Variants in ACOX3 observed in about 807,000 individuals in gnomAD.
The protein encoded by ACOX3 is acyl-CoA oxidase 3, pristanoyl, also known as peroxisomal acyl-coenzyme A oxidase 3.
A neutral mutation model predicts 81.5 loss-of-function variants in ACOX3; 73 were observed. The observed-to-expected ratio is 0.90, with a 90% CI of 0.74 to 1.09. The LOEUF (loss-of-function observed/expected upper bound fraction) is 1.09, where lower values mean the gene tolerates loss of function less well. Ranked by LOEUF, ACOX3 falls within the 50% of genes least tolerant of loss-of-function variation. The pLI is 0.00. For missense variants in ACOX3, 947 were observed against 928.0 expected (o/e 1.02, Z -0.27); for synonymous variants, 387 against 375.1 (o/e 1.03, Z -0.37).
chr4:8,417,549 G>A (rs143762209), intron 1 of ACOX3, among the ~76,000 whole-genome samples: 55 of 152,330 alleles, frequency 3.6e-4, no homozygotes, highest in African/African-American at 1.1e-3. Flanking sequence ...AACCCCCTCC[G>A]CTGAGAAGTG....
rs140779296 is a variant in ACOX3 at position 8,382,053 on chromosome 4, C to T, written c.1538-446G>A. On this transcript the variant is annotated intron_variant, in intron 13 of 17. Coordinates refer to ENST00000356406, the MANE Select transcript of ACOX3 (RefSeq NM_003501.3). The surrounding 1 kb of genome is among the most constrained non-coding windows in gnomAD (Gnocchi z 4.1). ...CGCCCAGTGGCGAGAGGAAGGGGTGCTTCCGTTCGCCTCCCCCTGCCTGGC... is the reference window on the plus strand; with the variant it reads ...CGCCCAGTGGCGAGAGGAAGGGGTGTTTCCGTTCGCCTCCCCCTGCCTGGC... 6.6e-6 allele frequency among the ~76,000 whole-genome samples: 1 copy of T among 152,354 alleles called. No homozygotes were observed. Among genetic ancestry groups the T allele is most frequent in the East Asian group, 1.9e-4 (1 of 5,180 alleles).
At chr4:8,392,520 A>G in intron 10 of ACOX3, 67 bp from the exon 11 acceptor site, 1 of 1,448,962 alleles carries the variant, frequency 6.9e-7, no homozygotes, top group Non-Finnish European at 9.1e-7. Flanking sequence ...GTCATAAGTC[A>G]GCAATAGCAT....
At chr4:8,404,303 G>A (rs1238716883) in intron 7 of ACOX3, among the ~76,000 whole-genome samples, 1 of 152,208 alleles carries the variant, frequency 6.6e-6, no homozygotes, top group Non-Finnish European at 1.5e-5. Flanking sequence ...AGGTCGGGGT[G>A]GCGCTCTCCT....
intron 6 of ACOX3, among the ~76,000 whole-genome samples, chr4:8,408,867 C>T (rs1721333274): frequency 9.9e-6 from 1 of 101,174 alleles, no homozygotes. Context: ...GGTTGGGGAG[C>T]TTCTTGTGGG....
intron 1 of ACOX3, among the ~76,000 whole-genome samples, chr4:8,429,477 TATCA>T (rs1348805950): frequency 6.6e-6 from 1 of 152,238 alleles, no homozygotes; most frequent in Admixed American, 6.5e-5. Context: ...CTTTGGGCGT[TATCA>T]ATCAGACGAA....
chr4:8,372,886 C>T (rs934058824), intron 16 of ACOX3, among the ~76,000 whole-genome samples: 2 of 152,214 alleles, frequency 1.3e-5, no homozygotes, highest in African/African-American at 4.8e-5. Context: ...AGCACCAGCA[C>T]AAGTGGCTCC....
chr4:8,404,692 C>T lies in ACOX3; in HGVS notation c.776+1263G>A, dbSNP rs972356700. 2.6e-5 allele frequency among the ~76,000 whole-genome samples: 4 copies of T among 152,186 alleles called. No homozygotes were observed. In the East Asian group the frequency reaches 5.8e-4, roughly 22 times the overall value. On this transcript the variant is annotated intron_variant, in intron 7 of 17. Coordinates refer to ENST00000356406, the MANE Select transcript of ACOX3 (RefSeq NM_003501.3). ...CAGATGCCCACTGGCCCATCTTCTCCCTCTGGAGACAACCTGGTCATGATA... is the reference window on the plus strand; with the variant it reads ...CAGATGCCCACTGGCCCATCTTCTCTCTCTGGAGACAACCTGGTCATGATA...
intron 1 of ACOX3, among the ~76,000 whole-genome samples, chr4:8,421,437 G>A (rs539796021): frequency 1.3e-5 from 2 of 152,192 alleles, no homozygotes; most frequent in South Asian, 2.1e-4. Flanking sequence ...CCAAATTCCC[G>A]GCATTGGCCG....
intron 1 of ACOX3, among the ~76,000 whole-genome samples, chr4:8,424,732 GAAGAA>G (rs1266484813): frequency 6.6e-6 from 1 of 152,232 alleles, no homozygotes; most frequent in African/African-American, 2.4e-5. Context: ...TCCAGACAAT[GAAGAA>G]AAGATAAAAC....
rs1352879609 is a variant in ACOX3, at chr4:8,366,766, C to T, written c.*195G>A. ...TTCCACGCTGCAAATCACCGCGATC[C>T]CAGATTAGTCCAGCCGGCCGGGTGC... On this transcript the variant is annotated 3_prime_UTR_variant, in exon 18 of 18. Coordinates refer to ENST00000356406, the MANE Select transcript of ACOX3 (RefSeq NM_003501.3). The T allele has an allele frequency of 3.4e-6, 2 of 592,674 alleles. No homozygotes were observed. The highest frequency in any genetic ancestry group is 5.7e-6 in the Non-Finnish European group (2 of 353,234). 36.7% of individuals were successfully genotyped at this position (592,674 alleles called of 1,614,324 possible).
At chr4:8,373,820 C>A in intron 15 of ACOX3, 192 bp from the exon 16 acceptor site, 1 of 611,020 alleles carries the variant, frequency 1.6e-6, no homozygotes, top group Non-Finnish European at 2.9e-6. Context: ...AGTTCTGAGA[C>A]CCTTTTCCCA....
chr4:8,421,456 C>T (rs11724408), intron 1 of ACOX3, among the ~76,000 whole-genome samples: 29,753 of 152,256 alleles, frequency 0.2, 3,168 homozygotes, highest in African/African-American at 0.27. Flanking sequence ...CGGTCAAGAT[C>T]ATGGCGCAGC....
At chr4:8,363,473 A>G (rs1409826121), downstream of ACOX3, among the ~76,000 whole-genome samples, 3 of 152,206 alleles carry the variant, frequency 2.0e-5, no homozygotes, top group African/African-American at 7.2e-5. Context: ...CTTAATAGGC[A>G]GGAGTATCAT....
intron 10 of ACOX3, among the ~76,000 whole-genome samples, chr4:8,393,637 G>A (rs112515377): frequency 0.034 from 4,925 of 144,476 alleles, 108 homozygotes; most frequent in African/African-American, 0.057. Context: ...ACACACACAC[G>A]CACACACACA....
Position 8,416,553 on chromosome 4 carries a change from C to G in ACOX3, c.-14-18G>C, listed in dbSNP as rs202239138. On this transcript the variant is annotated intron_variant, in intron 1 of 17. Transcript: ENST00000356406. This position sits in a 1 kb window ranked among gnomAD's most constrained non-coding sequence, Gnocchi z 4.2. Reference sequence around the variant, plus strand: ...ATAAGAGCCTGCACAAAACATGCAACCTGAATCCATGCTCTCCCATCTATG... The same window carrying G: ...ATAAGAGCCTGCACAAAACATGCAAGCTGAATCCATGCTCTCCCATCTATG... 24 of 1,558,966 alleles carry G rather than the reference C, an allele frequency of 1.5e-5. No individual in the cohort carries two copies. The highest frequency in any genetic ancestry group is 1.7e-4 in the Middle Eastern group (1 of 5,776).
At chr4:8,372,391 C>T (rs1305292567) in intron 16 of ACOX3, among the ~76,000 whole-genome samples, 1 of 152,204 alleles carries the variant, frequency 6.6e-6, no homozygotes, top group Non-Finnish European at 1.5e-5. Flanking sequence ...TGAGCCACCA[C>T]ACCCGGACAC....
In ACOX3 at chr4:8,414,477, C is replaced by T; in HGVS notation, c.454-96G>A. 8.7e-7 allele frequency: 1 copy of T among 1,147,678 alleles called. No homozygotes were observed. Among genetic ancestry groups the T allele is most frequent in the Non-Finnish European group, 1.3e-6 (1 of 774,568 alleles). 71.1% of individuals were successfully genotyped at this position (1,147,678 alleles called of 1,614,324 possible). A position where few individuals can be genotyped will look rare whatever the true frequency, so the allele number is the denominator to read the frequency against. On this transcript the variant is annotated intron_variant, in intron 4 of 17. Coordinates refer to ENST00000356406, the MANE Select transcript of ACOX3 (RefSeq NM_003501.3). This position sits in a 1 kb window ranked among gnomAD's most constrained non-coding sequence, Gnocchi z 6.1. Reference sequence around the variant, plus strand: ...TGCCATCTTTCCTTTAAAGATGAAACCACATATCAAAGCCCCAAATTTCCA... The same window carrying T: ...TGCCATCTTTCCTTTAAAGATGAAATCACATATCAAAGCCCCAAATTTCCA...
In ACOX3 at chr4:8,405,075, G is replaced by A. The variant is rs923942522; in HGVS notation, c.776+880C>T. On this transcript the variant is annotated intron_variant, in intron 7 of 17. Transcript: ENST00000356406. This position sits in a 1 kb window ranked among gnomAD's most constrained non-coding sequence, Gnocchi z 7.1. ...CTCTCTTGTCACCTACTTTACAGAT[G>A]AGGAAATGCCAAGAAAGCTGGTCAA... Among the ~76,000 whole-genome samples, 3 of 152,282 alleles carry A rather than the reference G, an allele frequency of 2.0e-5. No homozygotes were observed. The highest frequency in any genetic ancestry group is 1.9e-4 in the East Asian group (1 of 5,178).
rs904146341 is a variant in ACOX3 at position 8,385,512 on chromosome 4, C to A, written c.1537+3661G>T. Among the ~76,000 whole-genome samples, 1 of 152,246 alleles carries A rather than the reference C, an allele frequency of 6.6e-6. No homozygotes were observed. Among genetic ancestry groups the A allele is most frequent in the Admixed American group, 6.5e-5 (1 of 15,288 alleles). The stretch of plus-strand genomic sequence containing the variant: ...CTGCTTACTATGAATGCATACGAGC[C>A]AGCTAAACAACAGGGCCCACTGCAG... On this transcript the variant is annotated intron_variant, in intron 13 of 17. Coordinates refer to ENST00000356406, the MANE Select transcript of ACOX3 (RefSeq NM_003501.3). The surrounding 1 kb of genome is among the most constrained non-coding windows in gnomAD (Gnocchi z 5.5).
Sources: allele counts gnomAD v4.1 joint callset (sites outside exome capture counted in the v4.1 genomes callset), GRCh38; gene constraint gnomAD v4.1.1; non-coding constraint Gnocchi (gnomAD v3.1); transcripts MANE v1.5; gene names NCBI Gene and HGNC (gene_info 2026-07-23, HGNC 2026-07-21).